The following PPM1H variants were observed in gnomAD, a reference collection of about 807,000 sequenced individuals.
The protein encoded by PPM1H is protein phosphatase, Mg2+/Mn2+ dependent 1H, also known as protein phosphatase 1H.
Under a neutral mutation model 54.9 loss-of-function variants are expected in PPM1H, and 27 were observed. The ratio of observed to expected loss-of-function variants is 0.49; its 90% CI spans 0.36 to 0.68. The LOEUF is 0.68. Among genes scored for constraint, PPM1H ranks in the 30% least tolerant of loss-of-function variants. The pLI is 0.00. For missense variants in PPM1H, 596 were observed against 667.8 expected, an observed-to-expected ratio of 0.89 and a Z score of 1.19; for synonymous variants, 305 against 270.8, an observed-to-expected ratio of 1.13 and a Z score of -1.24.
chr12:62,776,489 C>A (rs77533394), intron 4 of PPM1H, among the ~76,000 whole-genome samples: 2 of 152,172 alleles, frequency 1.3e-5, no homozygotes, highest in African/African-American at 4.8e-5. Flanking sequence ...ATCATAGCTA[C>A]GTTCCTAGTG....
intron 3 of PPM1H, among the ~76,000 whole-genome samples, chr12:62,796,862 C>G (rs140313948): frequency 6.6e-6 from 1 of 152,162 alleles, no homozygotes; most frequent in Non-Finnish European, 1.5e-5. Context: ...ACATTATCAA[C>G]GGCAGTTTAC....
chr12:62,689,365 A>C (rs1045085453), intron 8 of PPM1H, among the ~76,000 whole-genome samples: 5 of 152,176 alleles, frequency 3.3e-5, no homozygotes, highest in African/African-American at 1.2e-4. Context: ...TCTGAGCTTT[A>C]CTCTCCATGC....
At chr12:62,652,658 T>A (rs976416795) in intron 9 of PPM1H, among the ~76,000 whole-genome samples, 1 of 152,238 alleles carries the variant, frequency 6.6e-6, no homozygotes, top group Non-Finnish European at 1.5e-5. Context: ...TCAGTTATGT[T>A]AAATTTTTAG....
intron 4 of PPM1H, among the ~76,000 whole-genome samples, chr12:62,744,763 C>T (rs768780322): frequency 2.6e-5 from 4 of 152,110 alleles, no homozygotes; most frequent in African/African-American, 9.7e-5. Context: ...GCACTGCAGC[C>T]GCCAGGACAG....
chr12:62,915,788 T>C (rs916828824), intron 1 of PPM1H, among the ~76,000 whole-genome samples: 3 of 152,192 alleles, frequency 2.0e-5, no homozygotes, highest in African/African-American at 7.2e-5. Context: ...AGAACCATTG[T>C]ATGTCTAGTG....
intron 6 of PPM1H, among the ~76,000 whole-genome samples, chr12:62,709,793 G>A (rs904435727): frequency 3.3e-5 from 5 of 152,298 alleles, no homozygotes; most frequent in East Asian, 1.9e-4. Context: ...CAGAAAGGCC[G>A]GGCGTGGTGG....
chr12:62,723,376 G>A (rs1347213530), intron 5 of PPM1H, among the ~76,000 whole-genome samples: 2 of 151,704 alleles, frequency 1.3e-5, no homozygotes, highest in Non-Finnish European at 2.9e-5. Context: ...AAAAAAGTAA[G>A]TTGGGAACCA....
chr12:62,660,434 A>G (rs1026010365), intron 9 of PPM1H, among the ~76,000 whole-genome samples: 1 of 152,234 alleles, frequency 6.6e-6, no homozygotes, highest in Non-Finnish European at 1.5e-5. Context: ...TCCTGACTTT[A>G]AAATATACTA....
intron 4 of PPM1H, among the ~76,000 whole-genome samples, chr12:62,774,608 G>A (rs575271720): frequency 9.9e-5 from 15 of 152,238 alleles, no homozygotes; most frequent in African/African-American, 3.4e-4. Context: ...TCCCAAAGTG[G>A]TGGGATTATG....
Position 62,852,340 on chromosome 12 carries a change from C to T in PPM1H, c.246-20061G>A, listed in dbSNP as rs553785246. Reference sequence around the variant, plus strand: ...CCTTTATAAGAGAAACCCCTGGGAGCTCTCTGGCTTTCTTTCCTACATGTG... The same window carrying T: ...CCTTTATAAGAGAAACCCCTGGGAGTTCTCTGGCTTTCTTTCCTACATGTG... On this transcript the variant is annotated intron_variant, in intron 1 of 9. Coordinates refer to ENST00000228705, the MANE Select transcript of PPM1H (RefSeq NM_020700.2). Among the ~76,000 whole-genome samples the T allele has an allele frequency of 1.2e-3, 177 of 151,474 alleles. 1 individual carries two copies. The highest frequency in any genetic ancestry group is 3.3e-3 in the South Asian group (16 of 4,786).
chr12:62,716,876 T>C (rs2076237484), intron 6 of PPM1H, among the ~76,000 whole-genome samples: 1 of 152,188 alleles, frequency 6.6e-6, no homozygotes, highest in Admixed American at 6.5e-5. Context: ...TAAGGCTTTC[T>C]GCTAGAGGGT....
chr12:62,693,772 G>A (rs2076097016), intron 7 of PPM1H, among the ~76,000 whole-genome samples, 164 bp downstream of exon 7: 1 of 152,196 alleles, frequency 6.6e-6, no homozygotes, highest in African/African-American at 2.4e-5. Flanking sequence ...CTTGGACCCT[G>A]AAGACAGGAG....
rs900401022 is a variant in PPM1H at position 62,644,298 on chromosome 12, C to G, written c.*4191G>C. 6.6e-6 allele frequency: 1 copy of G among 151,934 alleles called. No individual in the cohort carries two copies. Among genetic ancestry groups the G allele is most frequent in the Non-Finnish European group, 1.5e-5 (1 of 68,030 alleles). The allele number at this position is 151,934 out of a possible 1,614,324, so 9.4% of individuals were successfully genotyped here. On this transcript the variant is annotated 3_prime_UTR_variant, in exon 10 of 10. Coordinates refer to ENST00000228705, the MANE Select transcript of PPM1H (RefSeq NM_020700.2). ...ATCTCCACCATGGGCCTCCCTGGGT[C>G]TCCAGAAAAAAAACAAAGAAAACTG...
At chr12:62,684,220 A>C (rs767543499) in intron 8 of PPM1H, among the ~76,000 whole-genome samples, 7 of 152,104 alleles carry the variant, frequency 4.6e-5, no homozygotes, top group Non-Finnish European at 7.3e-5. Flanking sequence ...CATCCCCTAC[A>C]CTCAACCCAC....
At chr12:62,923,650 C>T (rs1357086987) in intron 1 of PPM1H, among the ~76,000 whole-genome samples, 1 of 152,228 alleles carries the variant, frequency 6.6e-6, no homozygotes, top group Non-Finnish European at 1.5e-5. Context: ...GATTCGCCCA[C>T]CTCGGTCTCC....
intron 2 of PPM1H, among the ~76,000 whole-genome samples, chr12:62,825,965 A>G (rs1868286896): frequency 6.6e-6 from 1 of 152,170 alleles, no homozygotes; most frequent in Non-Finnish European, 1.5e-5. Context: ...ACATTCCTTC[A>G]GTAAATGCCT....
At chr12:62,811,118 G>A (rs372310964) in intron 2 of PPM1H, among the ~76,000 whole-genome samples, 27 of 152,190 alleles carry the variant, frequency 1.8e-4, no homozygotes, top group African/African-American at 6.0e-4. Flanking sequence ...GGGGGCACAC[G>A]GGAAGGGGTA....
chr12:62,653,979 C>T (rs7979597), intron 9 of PPM1H, among the ~76,000 whole-genome samples: 22 of 151,942 alleles, frequency 1.4e-4, no homozygotes, highest in Non-Finnish European at 2.6e-4. Flanking sequence ...CAGTGGCTTA[C>T]GCTTGTAATC....
intron 4 of PPM1H, chr12:62,755,130 T>C (rs2076464452): frequency 1.2e-5 from 5 of 413,676 alleles, no homozygotes; most frequent in Admixed American, 7.3e-5. Flanking sequence ...ATCTTATTTG[T>C]ATATTTAAAT....
Sources: gnomAD v4.1 joint callset for allele counts (sites outside exome capture counted in the v4.1 genomes callset) on GRCh38, gnomAD v4.1.1 for gene constraint, MANE v1.5 for transcripts, NCBI Gene and HGNC (gene_info 2026-07-23, HGNC 2026-07-21) for gene names.